CEP57: variants seen among roughly 807,000 people sequenced by gnomAD.
CEP57 encodes the protein centrosomal protein of 57 kDa.
In CEP57, 40 loss-of-function variants were observed where a neutral mutation model predicts 68.0. The ratio of observed to expected loss-of-function variants is 0.59; its 90% CI spans 0.46 to 0.77. The LOEUF is 0.77. CEP57 is among the 30% of genes least tolerant of loss of function. The pLI is 0.00. For missense variants in CEP57, 606 were observed against 580.7 expected (o/e 1.04, Z -0.45); for synonymous variants, 219 against 198.7 (o/e 1.10, Z -0.86).
Position 95,827,997 on chromosome 11 carries a change from C to G in CEP57, c.1097C>G (p.Thr366Ser). 1 of 1,613,624 alleles carries G rather than the reference C, an allele frequency of 6.2e-7. No homozygotes were observed. Among genetic ancestry groups the G allele is most frequent in the Non-Finnish European group, 8.5e-7 (1 of 1,179,868 alleles). ...GAGGAGTTGTCAGAAGTCTTACAGACTTTACAGGATGAATTTGGGCAAATG... is the reference window on the plus strand; with the variant it reads ...GAGGAGTTGTCAGAAGTCTTACAGAGTTTACAGGATGAATTTGGGCAAATG... ...INEELSEVLQ[T>S]LQDEFGQMSF... The change falls in exon 9 of 11, where the codon ACT becomes AGT. Residue 366 changes from threonine to serine, a missense_variant. Transcript: ENST00000325542.
chr11:95,824,939 C>A (rs574624243), intron 8 of CEP57, among the ~76,000 whole-genome samples: 2 of 152,232 alleles, frequency 1.3e-5, no homozygotes, highest in East Asian at 3.9e-4. Flanking sequence ...TCCATCAATC[C>A]TTTGTCCCTG....
At chr11:95,805,354 C>T (rs1348266469) in intron 2 of CEP57, among the ~76,000 whole-genome samples, 1 of 151,964 alleles carries the variant, frequency 6.6e-6, no homozygotes, top group Admixed American at 6.6e-5. Context: ...AGTGTCTTTT[C>T]AGTTGATTTT....
chr11:95,821,154 G>T (rs1243968857), intron 6 of CEP57, among the ~76,000 whole-genome samples: 2 of 152,128 alleles, frequency 1.3e-5, no homozygotes, highest in African/African-American at 4.8e-5. Flanking sequence ...GACAGTTTTG[G>T]TACATATAGG....
chr11:95,808,275 A>G (rs910373424), intron 2 of CEP57, among the ~76,000 whole-genome samples: 10 of 152,206 alleles, frequency 6.6e-5, no homozygotes, highest in African/African-American at 2.4e-4. Flanking sequence ...GCCAAATTGT[A>G]AAGACCATCG....
At chr11:95,800,903 A>G (rs1861549448) in intron 2 of CEP57, among the ~76,000 whole-genome samples, 1 of 152,236 alleles carries the variant, frequency 6.6e-6, no homozygotes, top group Admixed American at 6.5e-5. Context: ...TTTAAATGAA[A>G]TATCTTTGCT....
chr11:95,817,371 TAAAAA>T (rs1044892444), intron 4 of CEP57, among the ~76,000 whole-genome samples: 14 of 151,638 alleles, frequency 9.2e-5, no homozygotes, highest in African/African-American at 3.4e-4. Flanking sequence ...ATCTCAAAAA[TAAAAA>T]AAGTATAAAA....
At chr11:95,818,796 C>G in intron 5 of CEP57, 31 bp from the exon 6 acceptor site, 1 of 1,563,116 alleles carries the variant, frequency 6.4e-7, no homozygotes, top group South Asian at 1.1e-5. Flanking sequence ...AGATTTTTCA[C>G]CTTTATCCCT....
chr11:95,821,085 G>A (rs1001266598), intron 6 of CEP57, among the ~76,000 whole-genome samples: 5 of 152,158 alleles, frequency 3.3e-5, no homozygotes, highest in African/African-American at 1.2e-4. Flanking sequence ...ATCTGGAAAG[G>A]CCAAAATCAT....
rs1476615700 is a variant in CEP57 at position 95,812,834 on chromosome 11, A to C, written c.203-98A>C. On this transcript the variant is annotated intron_variant, in intron 2 of 10. Transcript: ENST00000325542. ...GAGTGATCCTCCACTGGACTCATCC[A>C]TCAATTTTATTTTTTATTTAGATGA... The C allele has an allele frequency of 4.7e-6, 5 of 1,058,114 alleles. No homozygotes were observed. The South Asian group carries it at 6.3e-5, about 13-fold the overall frequency. 65.5% of individuals were successfully genotyped at this position (1,058,114 alleles called of 1,614,324 possible). A position where few individuals can be genotyped will look rare whatever the true frequency, so the allele number is the denominator to read the frequency against.
chr11:95,825,183 AGAGAG>A (rs1001579693), intron 8 of CEP57, among the ~76,000 whole-genome samples: 38 of 152,352 alleles, frequency 2.5e-4, no homozygotes, highest in African/African-American at 9.1e-4. Flanking sequence ...AGAGAACTTC[AGAGAG>A]AACATTATGA....
At chr11:95,793,491 A>G (rs1318031848) in intron 1 of CEP57, among the ~76,000 whole-genome samples, 2 of 152,206 alleles carry the variant, frequency 1.3e-5, no homozygotes, top group Non-Finnish European at 2.9e-5. Context: ...CATACATTTT[A>G]TAATATTAAA....
At chr11:95,814,403 C>T (rs3016210) in intron 4 of CEP57, among the ~76,000 whole-genome samples, 40,934 of 143,198 alleles carry the variant, frequency 0.29, 6,852 homozygotes, top group Non-Finnish European at 0.38. Flanking sequence ...TTTTATTGCC[C>T]AGGCTGGAGA....
At chr11:95,809,953 A>T (rs1463155032) in intron 2 of CEP57, among the ~76,000 whole-genome samples, 2 of 152,244 alleles carry the variant, frequency 1.3e-5, no homozygotes, top group Non-Finnish European at 2.9e-5. Context: ...AATCCTCAAT[A>T]AAATACTGGC....
intron 2 of CEP57, among the ~76,000 whole-genome samples, chr11:95,799,861 T>C (rs1160927523): frequency 6.6e-6 from 1 of 152,156 alleles, no homozygotes; most frequent in Non-Finnish European, 1.5e-5. Flanking sequence ...AAATTAAAGC[T>C]TTAGCATCTC....
At chr11:95,802,087 A>G (rs1004295045) in intron 2 of CEP57, among the ~76,000 whole-genome samples, 3 of 152,134 alleles carry the variant, frequency 2.0e-5, no homozygotes, top group Non-Finnish European at 4.4e-5. Flanking sequence ...CAGAAAAGAC[A>G]TTTGTTGGGG....
intron 2 of CEP57, among the ~76,000 whole-genome samples, chr11:95,810,352 GC>G (rs1862001610): frequency 6.6e-6 from 1 of 152,164 alleles, no homozygotes; most frequent in African/African-American, 2.4e-5. Context: ...TCTGGCCAGG[GC>G]AATCAGGCAG....
At chr11:95,800,285 T>A (rs1463456358) in intron 2 of CEP57, among the ~76,000 whole-genome samples, 2 of 152,208 alleles carry the variant, frequency 1.3e-5, no homozygotes, top group African/African-American at 4.8e-5. Flanking sequence ...CTTTGCAGAC[T>A]TTTACTTGAG....
chr11:95,823,000 T>TC (rs1444317399), intron 8 of CEP57: 1 of 230,490 alleles, frequency 4.3e-6, no homozygotes. Flanking sequence ...GGACTAATTC[T>TC]CCAAGAAGCA....
At chr11:95,802,178 T>C (rs935782513) in intron 2 of CEP57, among the ~76,000 whole-genome samples, 4 of 151,262 alleles carry the variant, frequency 2.6e-5, no homozygotes, top group African/African-American at 9.7e-5. Flanking sequence ...ATCTGAGTTT[T>C]AAAGAATGAG....
Sources: gnomAD v4.1 joint callset for allele counts (sites outside exome capture counted in the v4.1 genomes callset) on GRCh38, gnomAD v4.1.1 for gene constraint, MANE v1.5 for transcripts, NCBI Gene and HGNC (gene_info 2026-07-23, HGNC 2026-07-21) for gene names.